Variants in USP30 observed in about 807,000 individuals in gnomAD.
USP30 encodes ubiquitin carboxyl-terminal hydrolase 30.
A neutral mutation model predicts 68.2 loss-of-function variants in USP30; 41 were observed. The observed-to-expected ratio is 0.60, with a 90% CI of 0.47 to 0.78. The LOEUF (loss-of-function observed/expected upper bound fraction) is 0.78. Among genes scored for constraint, USP30 ranks in the 30% least tolerant of loss-of-function variants. The pLI is 0.00. For missense variants in USP30, 522 were observed against 649.4 expected (o/e 0.80, Z 2.13); for synonymous variants, 229 against 253.7 (o/e 0.90, Z 0.93).
chr12:109,044,134 A>G (rs531370682), intron 3 of USP30, among the ~76,000 whole-genome samples: 2 of 152,368 alleles, frequency 1.3e-5, no homozygotes, highest in African/African-American at 4.8e-5. Context: ...TTACTGTATG[A>G]TTCCACTTAT....
chr12:109,035,527 C>A (rs1426389886), intron 3 of USP30, among the ~76,000 whole-genome samples: 1 of 152,048 alleles, frequency 6.6e-6, no homozygotes, highest in Non-Finnish European at 1.5e-5. Context: ...CCATGCCCAG[C>A]TAATTTTTGT....
At chr12:109,082,252 A>G (rs1355546426) in intron 9 of USP30, among the ~76,000 whole-genome samples, 3 of 152,212 alleles carry the variant, frequency 2.0e-5, no homozygotes, top group African/African-American at 7.2e-5. Flanking sequence ...TGAGATGAGA[A>G]ATGCCCTCTC....
chr12:109,052,973 C>A, intron 1 of USP30: 1 of 432,768 alleles, frequency 2.3e-6, no homozygotes, highest in Non-Finnish European at 4.0e-6. Context: ...TGTCTGCACT[C>A]CCCAGGTCTG....
At chr12:109,081,809 G>A in intron 8 of USP30, 124 bp from the exon 9 acceptor site, 1 of 951,092 alleles carries the variant, frequency 1.1e-6, no homozygotes, top group Non-Finnish European at 1.7e-6. Flanking sequence ...ATCCAGTTGT[G>A]ACTATAAAAC....
chr12:109,086,824 T>G lies in USP30; in HGVS notation c.*893T>G, dbSNP rs1392079312. Reference sequence around the variant, plus strand: ...CTCTTAAGGTTTACAGGTGGGAGCTTGGGGCTGTATAAAAAAATAATCCCT... The same window carrying G: ...CTCTTAAGGTTTACAGGTGGGAGCTGGGGGCTGTATAAAAAAATAATCCCT... On this transcript the variant is annotated 3_prime_UTR_variant, in exon 13 of 13. Coordinates refer to ENST00000257548, the MANE Select transcript of USP30 (RefSeq NM_032663.5). 6.6e-6 allele frequency: 1 copy of G among 152,204 alleles called. No individual in the cohort carries two copies. The highest frequency in any genetic ancestry group is 2.4e-5 in the African/African-American group (1 of 41,430). The allele number at this position is 152,204 out of a possible 1,614,324, so 9.4% of individuals were successfully genotyped here.
chr12:109,081,667 A>C, intron 8 of USP30: 1 of 598,112 alleles, frequency 1.7e-6, no homozygotes, highest in Non-Finnish European at 3.0e-6. Flanking sequence ...ACACACAGAC[A>C]TTAACCTCAG....
chr12:109,052,550 C>G (rs2040692661), upstream of USP30: 13 of 936,036 alleles, frequency 1.4e-5, no homozygotes, highest in Non-Finnish European at 1.9e-5. Flanking sequence ...GTCCTGCGGT[C>G]TACGTTCCCC....
chr12:109,026,328 G>A (rs556408227), intron 2 of USP30, among the ~76,000 whole-genome samples: 1 of 152,080 alleles, frequency 6.6e-6, no homozygotes, highest in Admixed American at 6.5e-5. Flanking sequence ...CACCCGCCTT[G>A]GCCTCCCAAA....
chr12:109,071,158 A>G (rs1314724401), intron 4 of USP30, among the ~76,000 whole-genome samples: 1 of 152,160 alleles, frequency 6.6e-6, no homozygotes, highest in African/African-American at 2.4e-5. Flanking sequence ...ACAGATATGG[A>G]GTTTCAGCTG....
chr12:109,083,167 T>A (rs965570620), intron 11 of USP30, 105 bp downstream of exon 11: 1 of 1,152,288 alleles, frequency 8.7e-7, no homozygotes, highest in African/African-American at 1.6e-5. Context: ...ACAAGGCTTG[T>A]ACAATGGTGC....
At chr12:109,048,055 T>C (rs142119844), upstream of USP30, among the ~76,000 whole-genome samples, 319 of 151,626 alleles carry the variant, frequency 2.1e-3, 2 homozygotes, top group African/African-American at 7.5e-3. Context: ...TGATCATGGG[T>C]CTGACGTCTA....
At chr12:109,075,604 G>A (rs1437341557) in intron 7 of USP30, among the ~76,000 whole-genome samples, 4 of 152,100 alleles carry the variant, frequency 2.6e-5, no homozygotes, top group Non-Finnish European at 5.9e-5. Flanking sequence ...CGCCTGTCTC[G>A]GCCTCCCAAA....
intron 3 of USP30, among the ~76,000 whole-genome samples, chr12:109,059,656 GC>G (rs771310309): frequency 6.6e-6 from 1 of 152,094 alleles, no homozygotes; most frequent in Non-Finnish European, 1.5e-5. Context: ...TGGGATTACA[GC>G]TGCATGCCAC....
At chr12:109,059,747 A>C (rs1593250436) in intron 3 of USP30, among the ~76,000 whole-genome samples, 2 of 152,300 alleles carry the variant, frequency 1.3e-5, no homozygotes, top group East Asian at 3.9e-4. Flanking sequence ...TCCTGACCTC[A>C]ACTGATCTGC....
chr12:109,035,523 C>T (rs1011908471), intron 3 of USP30, among the ~76,000 whole-genome samples: 1 of 151,952 alleles, frequency 6.6e-6, no homozygotes, highest in African/African-American at 2.4e-5. Context: ...GCCACCATGC[C>T]CAGCTAATTT....
chr12:109,078,410 T>A (rs753851353), intron 7 of USP30, among the ~76,000 whole-genome samples: 2 of 135,558 alleles, frequency 1.5e-5, no homozygotes, highest in African/African-American at 5.5e-5. Flanking sequence ...GGCGACAGAG[T>A]GAGACTGAGT....
chr12:109,087,704 G>A lies in USP30; in HGVS notation c.*1773G>A, dbSNP rs2041978656. 1 of 152,316 alleles carries A rather than the reference G, an allele frequency of 6.6e-6. No homozygotes were observed. The highest frequency in any genetic ancestry group is 1.5e-5 in the Non-Finnish European group (1 of 68,128). 9.4% of individuals were successfully genotyped at this position (152,316 alleles called of 1,614,324 possible). On this transcript the variant is annotated 3_prime_UTR_variant, in exon 13 of 13. Coordinates refer to ENST00000257548, the MANE Select transcript of USP30 (RefSeq NM_032663.5). ...CATCAAAGAAAGATAGAGAAAAGGGGCTGAGCCTTGGAATATATGGTTATA... is the reference window on the plus strand; with the variant it reads ...CATCAAAGAAAGATAGAGAAAAGGGACTGAGCCTTGGAATATATGGTTATA...
intron 1 of USP30, among the ~76,000 whole-genome samples, chr12:109,055,535 G>A (rs956306554): frequency 2.0e-5 from 3 of 146,934 alleles, no homozygotes; most frequent in African/African-American, 7.5e-5. Context: ...GAGTAGCTGG[G>A]ATTACAGGCA....
chr12:109,023,757 C>T (rs1478920004), intron 1 of USP30, among the ~76,000 whole-genome samples: 2 of 151,018 alleles, frequency 1.3e-5, no homozygotes, highest in Non-Finnish European at 2.9e-5. Context: ...CTCGGCCTCC[C>T]AAGTACCTGG....
Sources: gnomAD v4.1 joint callset for allele counts (sites outside exome capture counted in the v4.1 genomes callset) on GRCh38, gnomAD v4.1.1 for gene constraint, MANE v1.5 for transcripts, NCBI Gene and HGNC (gene_info 2026-07-23, HGNC 2026-07-21) for gene names.